CNTNAP2: variants seen among roughly 807,000 people sequenced by gnomAD.
CNTNAP2 encodes contactin-associated protein-like 2.
Under a neutral mutation model 155.2 loss-of-function variants are expected in CNTNAP2, and 98 were observed. The ratio of observed to expected loss-of-function variants is 0.63; its 90% CI spans 0.54 to 0.75. The LOEUF (loss-of-function observed/expected upper bound fraction) is 0.75, where lower values mean the gene tolerates loss of function less well. Ranked by LOEUF, CNTNAP2 falls within the 30% of genes least tolerant of loss-of-function variation. The pLI, the probability that CNTNAP2 is intolerant of heterozygous loss-of-function variation, is 0.00. For missense variants in CNTNAP2, 1,727 were observed against 1,688.1 expected (o/e 1.02, Z -0.40); for synonymous variants, 651 against 631.2 (o/e 1.03, Z -0.47).
At chr7:148,292,938 G>A (rs1460855451) in intron 21 of CNTNAP2, among the ~76,000 whole-genome samples, 1 of 151,552 alleles carries the variant, frequency 6.6e-6, no homozygotes, top group Non-Finnish European at 1.5e-5. Context: ...ATAATTGCCT[G>A]AGCCATCTAC....
At chr7:147,894,881 T>G (rs925946438) in intron 13 of CNTNAP2, among the ~76,000 whole-genome samples, 2 of 151,854 alleles carry the variant, frequency 1.3e-5, no homozygotes, top group African/African-American at 4.8e-5. Context: ...CCCTTGTGCT[T>G]CTGAAACAAC....
chr7:146,688,563 T>TAATG (rs747221630), intron 1 of CNTNAP2, among the ~76,000 whole-genome samples: 15 of 152,100 alleles, frequency 9.9e-5, no homozygotes, highest in Non-Finnish European at 1.6e-4. Context: ...TGAGATTCAT[T>TAATG]GTCCAGGAGA....
At chr7:148,349,441 G>A (rs1040811316) in intron 21 of CNTNAP2, among the ~76,000 whole-genome samples, 23 of 128,698 alleles carry the variant, frequency 1.8e-4, no homozygotes, top group African/African-American at 5.4e-4. Flanking sequence ...TCACTCTGTC[G>A]CCCGGGCTGG....
chr7:146,452,744 A>T (rs1484032900), intron 1 of CNTNAP2, among the ~76,000 whole-genome samples: 2 of 152,220 alleles, frequency 1.3e-5, no homozygotes, highest in African/African-American at 4.8e-5. Flanking sequence ...TTATATTTGG[A>T]AACTCATCTA....
chr7:146,601,106 T>C (rs1419167358), intron 1 of CNTNAP2, among the ~76,000 whole-genome samples: 1 of 152,116 alleles, frequency 6.6e-6, no homozygotes. Context: ...TCCCCTGATA[T>C]CTTAATTTTA....
chr7:148,031,487 TAC>T (rs1802475650), intron 15 of CNTNAP2, among the ~76,000 whole-genome samples: 1 of 152,194 alleles, frequency 6.6e-6, no homozygotes. Flanking sequence ...CATGACACCT[TAC>T]ACCTTACACA....
At chr7:147,305,381 A>G (rs2116781020) in intron 9 of CNTNAP2, among the ~76,000 whole-genome samples, 1 of 152,314 alleles carries the variant, frequency 6.6e-6, no homozygotes, top group African/African-American at 2.4e-5. Context: ...TCCTTCAAGC[A>G]TTTGGCTGCC....
intron 8 of CNTNAP2, among the ~76,000 whole-genome samples, chr7:147,161,383 T>C (rs897455401): frequency 3.3e-5 from 5 of 152,160 alleles, no homozygotes; most frequent in Non-Finnish European, 7.4e-5. Context: ...AGCACATATG[T>C]GTATATTAAC....
chr7:146,393,557 C>G (rs1795576433), intron 1 of CNTNAP2, among the ~76,000 whole-genome samples: 2 of 152,264 alleles, frequency 1.3e-5, no homozygotes, highest in East Asian at 3.9e-4. Context: ...AACAGCCTAT[C>G]TAATTCCTTT....
At chr7:148,289,806 G>C (rs1352705944) in intron 21 of CNTNAP2, among the ~76,000 whole-genome samples, 1 of 152,162 alleles carries the variant, frequency 6.6e-6, no homozygotes, top group Admixed American at 6.5e-5. Flanking sequence ...AAGGCTGTTG[G>C]GGGAGGCAGC....
intron 9 of CNTNAP2, among the ~76,000 whole-genome samples, chr7:147,382,594 AT>A (rs1796554007): frequency 6.6e-6 from 1 of 152,196 alleles, no homozygotes; most frequent in Non-Finnish European, 1.5e-5. Context: ...AACTTTGGAT[AT>A]ATTAGTGTTG....
intron 13 of CNTNAP2, among the ~76,000 whole-genome samples, chr7:147,893,957 G>A (rs893407858): frequency 4.6e-5 from 7 of 152,148 alleles, no homozygotes; most frequent in African/African-American, 1.7e-4. Context: ...TCCTGGAAGC[G>A]TACACATCCA....
Position 148,300,811 on chromosome 7 carries a change from G to A in CNTNAP2, c.3475+33685G>A, listed in dbSNP as rs6967016. Among the ~76,000 whole-genome samples the A allele has an allele frequency of 4.0e-3, 611 of 152,316 alleles. 3 individuals are homozygous for A. Among genetic ancestry groups the A allele is most frequent in the Non-Finnish European group, 6.2e-3 (422 of 68,038 alleles). The stretch of plus-strand genomic sequence containing the variant: ...ATTCCATTTCTATGAGATACTTAGA[G>A]GAGTTGAAATCATAGACACAGAAAG... On this transcript the variant is annotated intron_variant, in intron 21 of 23. Coordinates refer to ENST00000361727, the MANE Select transcript of CNTNAP2 (RefSeq NM_014141.6).
At chr7:146,915,898 G>T (rs544149019) in intron 3 of CNTNAP2, 2 of 152,190 alleles carry the variant, frequency 1.3e-5, no homozygotes, top group East Asian at 3.9e-4. Flanking sequence ...CCTTGTTCCA[G>T]TTCTCAGGGC....
intron 1 of CNTNAP2, among the ~76,000 whole-genome samples, chr7:146,238,787 C>A (rs547338430): frequency 4.6e-5 from 7 of 152,022 alleles, no homozygotes; most frequent in Non-Finnish European, 1.0e-4. Context: ...GCAATCATGG[C>A]GGAAGGCAAA....
At chr7:147,834,319 T>C (rs1351489639) in intron 13 of CNTNAP2, among the ~76,000 whole-genome samples, 1 of 152,240 alleles carries the variant, frequency 6.6e-6, no homozygotes, top group East Asian at 1.9e-4. Flanking sequence ...TTCCTGCTGC[T>C]GGCTAAATCT....
chr7:147,007,857 T>A (rs951983751), intron 3 of CNTNAP2, among the ~76,000 whole-genome samples: 1 of 152,130 alleles, frequency 6.6e-6, no homozygotes, highest in Non-Finnish European at 1.5e-5. Flanking sequence ...AAAAAATACT[T>A]ATTTCCTTAA....
At chr7:147,072,367 CT>C (rs1440283833) in intron 4 of CNTNAP2, among the ~76,000 whole-genome samples, 2 of 152,166 alleles carry the variant, frequency 1.3e-5, no homozygotes, top group African/African-American at 4.8e-5. Context: ...TGCCACCAAA[CT>C]ATCTTAAGCC....
rs117743834 is a variant in CNTNAP2 at position 146,493,840 on chromosome 7, G to A, written c.98-280431G>A. ...CACCATGCATTTCAATATAGAATGAGGAAACATTAAATTAGGTATTATTTG... is the reference window on the plus strand; with the variant it reads ...CACCATGCATTTCAATATAGAATGAAGAAACATTAAATTAGGTATTATTTG... On this transcript the variant is annotated intron_variant, in intron 1 of 23. Transcript: ENST00000361727. 4.5e-3 allele frequency among the ~76,000 whole-genome samples: 686 copies of A among 152,142 alleles called. 5 individuals carry two copies. In the Middle Eastern group the frequency reaches 0.065, roughly 14 times the overall value.
Sources: gnomAD v4.1 joint callset for allele counts (sites outside exome capture counted in the v4.1 genomes callset) on GRCh38, gnomAD v4.1.1 for gene constraint, MANE v1.5 for transcripts, NCBI Gene and HGNC (gene_info 2026-07-23, HGNC 2026-07-21) for gene names.